Variants in KIRREL3 observed in about 807,000 individuals in gnomAD.
The protein encoded by KIRREL3 is kin of IRRE-like protein 3.
In KIRREL3, 36 loss-of-function variants were observed where a neutral mutation model predicts 89.7. The ratio of observed to expected loss-of-function variants is 0.40; its 90% confidence interval spans 0.31 to 0.53. KIRREL3 has a LOEUF of 0.53. Ranked by LOEUF, KIRREL3 falls within the 20% of genes least tolerant of loss-of-function variation. The pLI, the probability that KIRREL3 is intolerant of heterozygous loss-of-function variation, is 0.49. For synonymous variants in KIRREL3, 445 were observed against 441.4 expected (o/e 1.01, Z -0.10); for missense variants, 864 against 1,056.6 (o/e 0.82, Z 2.53).
At position 126,462,216 on chromosome 11, in the gene KIRREL3, G is replaced by C. The variant is rs1307489430; in HGVS notation, c.742+941C>G. Among the ~76,000 whole-genome samples the C allele has an allele frequency of 6.6e-6, 1 of 152,158 alleles. No homozygotes were observed. Among genetic ancestry groups the C allele is most frequent in the African/African-American group, 2.4e-5 (1 of 41,426 alleles). On this transcript the variant is annotated intron_variant, in intron 6 of 16. Coordinates refer to ENST00000525144, the MANE Select transcript of KIRREL3 (RefSeq NM_032531.4). This position sits in a 1 kb window ranked among gnomAD's most constrained non-coding sequence, Gnocchi z 4.8. ...CATGAATCCTAACACGGGCCACCGA[G>C]GGCTGGCTGGGCAGGAGTGTGGAGA... is the stretch of plus-strand genomic sequence containing the variant.
rs1955578651 is a variant in KIRREL3 at position 126,441,862 on chromosome 11, C to T, written c.1253-1313G>A. Among the ~76,000 whole-genome samples the T allele has an allele frequency of 6.6e-6, 1 of 152,132 alleles. No homozygotes were observed. Among genetic ancestry groups the T allele is most frequent in the Admixed American group, 6.5e-5 (1 of 15,278 alleles). On this transcript the variant is annotated intron_variant, in intron 10 of 16. Transcript: ENST00000525144. The surrounding 1 kb of genome is among the most constrained non-coding windows in gnomAD (Gnocchi z 5.0). Reference sequence around the variant, plus strand: ...TAAGAATGGGCTGAGCGCTGCCCTCCTTCCTAAAAATCCTTCAGCTCCAAC... The same window carrying T: ...TAAGAATGGGCTGAGCGCTGCCCTCTTTCCTAAAAATCCTTCAGCTCCAAC...
At position 126,976,415 on chromosome 11, in the gene KIRREL3, T is replaced by A. The variant is rs544758275; in HGVS notation, c.55+24040A>T. Among the ~76,000 whole-genome samples the A allele has an allele frequency of 1.3e-5, 2 of 152,284 alleles. No homozygotes were observed. Among genetic ancestry groups the A allele is most frequent in the East Asian group, 3.9e-4 (2 of 5,174 alleles). On this transcript the variant is annotated intron_variant, in intron 1 of 16. Transcript: ENST00000525144. This position sits in a 1 kb window ranked among gnomAD's most constrained non-coding sequence, Gnocchi z 4.2. The stretch of plus-strand genomic sequence containing the variant: ...AACCGTTACATTAATCTCCTGCAGA[T>A]TTTTTTCTGGAGATTTATATGTTTA...
intron 2 of KIRREL3, among the ~76,000 whole-genome samples, chr11:126,548,691 C>T (rs919398760): frequency 1.3e-5 from 2 of 152,214 alleles, no homozygotes; most frequent in African/African-American, 4.8e-5. Flanking sequence ...TCCAGGGGAA[C>T]CTGAGGTAAG....
At chr11:126,793,519 G>T (rs773222522) in intron 1 of KIRREL3, among the ~76,000 whole-genome samples, 140 of 152,330 alleles carry the variant, frequency 9.2e-4, no homozygotes, top group Non-Finnish European at 1.8e-3. Context: ...GATGTCACTT[G>T]CAGGGAGTTC....
At chr11:126,621,258 GTTACT>G (rs1943563899) in intron 1 of KIRREL3, among the ~76,000 whole-genome samples, 1 of 152,182 alleles carries the variant, frequency 6.6e-6, no homozygotes, top group Non-Finnish European at 1.5e-5. Context: ...TTTGATTTGG[GTTACT>G]TTAATAGGTG....
chr11:126,819,104 A>G (rs1372545755), intron 1 of KIRREL3, among the ~76,000 whole-genome samples: 1 of 71,298 alleles, frequency 1.4e-5, no homozygotes, highest in Non-Finnish European at 2.6e-5. Context: ...TCTGGACCCC[A>G]ACCAGCCCAG....
rs1343579484 is a variant in KIRREL3, at chr11:126,724,076, T to A, written c.56-161164A>T. 6.6e-6 allele frequency among the ~76,000 whole-genome samples: 1 copy of A among 152,164 alleles called. No homozygotes were observed. Among genetic ancestry groups the A allele is most frequent in the African/African-American group, 2.4e-5 (1 of 41,438 alleles). ...TTTGAGCCTTTTTGTCTTGCTTGGC[T>A]CTTTGTCAAAACCAAGTCTCCTTCT... On this transcript the variant is annotated intron_variant, in intron 1 of 16. Transcript: ENST00000525144. This position sits in a 1 kb window ranked among gnomAD's most constrained non-coding sequence, Gnocchi z 4.3.
At chr11:126,671,310 C>T (rs1279579817) in intron 1 of KIRREL3, among the ~76,000 whole-genome samples, 2 of 151,648 alleles carry the variant, frequency 1.3e-5, no homozygotes, top group Non-Finnish European at 2.9e-5. Context: ...TCAAAAAATC[C>T]CCCTGCCTCA....
intron 7 of KIRREL3, among the ~76,000 whole-genome samples, chr11:126,453,222 G>A (rs1456841668): frequency 2.0e-5 from 3 of 152,156 alleles, no homozygotes; most frequent in African/African-American, 7.2e-5. Context: ...ACAGCCGCCA[G>A]GTTGTCCTCA....
rs956735235 is a variant in KIRREL3 at position 126,742,024 on chromosome 11, G to C, written c.56-179112C>G. Among the ~76,000 whole-genome samples the C allele has an allele frequency of 2.6e-5, 4 of 152,222 alleles. No homozygotes were observed. The highest frequency in any genetic ancestry group is 9.7e-5 in the African/African-American group (4 of 41,450). On this transcript the variant is annotated intron_variant, in intron 1 of 16. Coordinates refer to ENST00000525144, the MANE Select transcript of KIRREL3 (RefSeq NM_032531.4). The surrounding 1 kb of genome is among the most constrained non-coding windows in gnomAD (Gnocchi z 5.3). ...GGTACCAGGAGGTTGAATGGAGGAC[G>C]CTTGTGCTAAGAAGGGAGAACTATT...
chr11:126,735,095 A>G (rs1948757691), intron 1 of KIRREL3, among the ~76,000 whole-genome samples: 1 of 152,180 alleles, frequency 6.6e-6, no homozygotes, highest in Non-Finnish European at 1.5e-5. Context: ...AGGAACATGC[A>G]CTGGAACTCG....
At chr11:126,692,740 A>G (rs1946929060) in intron 1 of KIRREL3, among the ~76,000 whole-genome samples, 1 of 152,216 alleles carries the variant, frequency 6.6e-6, no homozygotes, top group South Asian at 2.1e-4. Context: ...AGCCAGTCAC[A>G]AAAGGACAAA....
At chr11:126,634,455 G>A (rs550484181) in intron 1 of KIRREL3, among the ~76,000 whole-genome samples, 8 of 152,234 alleles carry the variant, frequency 5.3e-5, no homozygotes, top group Non-Finnish European at 1.0e-4. Flanking sequence ...ACCCTCTCTC[G>A]TGGTGCCTGG....
intron 1 of KIRREL3, among the ~76,000 whole-genome samples, chr11:126,972,159 A>C (rs1368582662): frequency 7.3e-6 from 1 of 136,354 alleles, no homozygotes; most frequent in Non-Finnish European, 1.5e-5. Context: ...CCTATGCAAG[A>C]GGGTCTGGTA....
chr11:126,619,670 A>C (rs1271273969), intron 1 of KIRREL3, among the ~76,000 whole-genome samples: 1 of 152,262 alleles, frequency 6.6e-6, no homozygotes, highest in Non-Finnish European at 1.5e-5. Context: ...GCCAGGGTGC[A>C]CTGGTGCACT....
At chr11:126,770,033 C>G (rs1339242036) in intron 1 of KIRREL3, among the ~76,000 whole-genome samples, 1 of 152,088 alleles carries the variant, frequency 6.6e-6, no homozygotes, top group Non-Finnish European at 1.5e-5. Flanking sequence ...TGGTTGGGCT[C>G]TGGGTAGGTG....
In KIRREL3 at chr11:126,706,488, C is replaced by A. The variant is rs1947533180; in HGVS notation, c.56-143576G>T. 2.0e-5 allele frequency among the ~76,000 whole-genome samples: 3 copies of A among 152,070 alleles called. No individual in the cohort carries two copies. In the South Asian group the frequency reaches 6.2e-4, roughly 32 times the overall value. On this transcript the variant is annotated intron_variant, in intron 1 of 16. Transcript: ENST00000525144. ...TTTGTTCACATGTATAAATATATGT[C>A]TCTAGGTTAAATTTCTAGGAACAAA...
chr11:126,592,943 G>A (rs1042916067), intron 1 of KIRREL3, among the ~76,000 whole-genome samples: 9 of 152,162 alleles, frequency 5.9e-5, no homozygotes, highest in South Asian at 2.1e-4. Context: ...TTTCCTGTGA[G>A]GGGGCTAGGA....
chr11:126,444,496 G>A (rs1415515865), intron 10 of KIRREL3, among the ~76,000 whole-genome samples: 2 of 152,200 alleles, frequency 1.3e-5, no homozygotes, highest in East Asian at 1.9e-4. Flanking sequence ...GTAGTGGCAC[G>A]TGCCTGTAGT....
Sources: gnomAD v4.1 joint callset for allele counts (sites outside exome capture counted in the v4.1 genomes callset) on GRCh38, gnomAD v4.1.1 for gene constraint, Gnocchi (gnomAD v3.1) non-coding constraint, MANE v1.5 for transcripts, NCBI Gene and HGNC (gene_info 2026-07-23, HGNC 2026-07-21) for gene names.